Variants in CNTNAP2 observed in about 807,000 individuals in gnomAD.
The protein encoded by CNTNAP2 is contactin-associated protein-like 2.
In CNTNAP2, 98 loss-of-function variants were observed where a neutral mutation model predicts 155.2. The ratio of observed to expected loss-of-function variants is 0.63; its 90% CI spans 0.54 to 0.75. CNTNAP2 has a LOEUF of 0.75. CNTNAP2 is among the 30% of genes least tolerant of loss of function. The pLI is 0.00. For missense variants in CNTNAP2, 1,727 were observed against 1,688.1 expected (o/e 1.02, Z -0.40); for synonymous variants, 651 against 631.2 (o/e 1.03, Z -0.47).
intron 12 of CNTNAP2, among the ~76,000 whole-genome samples, chr7:147,630,462 A>G (rs886624831): frequency 8.5e-5 from 13 of 152,174 alleles, no homozygotes; most frequent in African/African-American, 2.9e-4. Context: ...AATTCTCCCT[A>G]AATCATTCTG....
chr7:147,179,702 A>T (rs1285650777), intron 8 of CNTNAP2, among the ~76,000 whole-genome samples: 1 of 152,182 alleles, frequency 6.6e-6, no homozygotes, highest in Non-Finnish European at 1.5e-5. Context: ...TATATTAAGT[A>T]GTTGGTAACT....
chr7:146,497,923 T>TC (rs1797244547), intron 1 of CNTNAP2, among the ~76,000 whole-genome samples: 1 of 142,308 alleles, frequency 7.0e-6, no homozygotes, highest in African/African-American at 2.7e-5. Flanking sequence ...AAACATATAT[T>TC]CTAACATATA....
intron 17 of CNTNAP2, among the ~76,000 whole-genome samples, chr7:148,166,299 A>G (rs1287357687): frequency 1.3e-5 from 2 of 152,184 alleles, no homozygotes; most frequent in African/African-American, 4.8e-5. Context: ...GCAGACAAAC[A>G]AAACATCTAA....
At chr7:147,422,579 A>G (rs1172300721) in intron 10 of CNTNAP2, among the ~76,000 whole-genome samples, 1 of 152,252 alleles carries the variant, frequency 6.6e-6, no homozygotes, top group South Asian at 2.1e-4. Context: ...GACAGATGCA[A>G]TGTCTTCAAT....
chr7:148,302,305 C>G (rs4726947), intron 21 of CNTNAP2, among the ~76,000 whole-genome samples: 92,393 of 152,054 alleles, frequency 0.61, 29,640 homozygotes, highest in East Asian at 0.76. Flanking sequence ...TTTAGATGTA[C>G]ATTAAGACCC....
chr7:148,265,416 G>A (rs752926401), intron 20 of CNTNAP2, among the ~76,000 whole-genome samples: 23 of 151,992 alleles, frequency 1.5e-4, no homozygotes, highest in Non-Finnish European at 3.1e-4. Context: ...TGTGACTACC[G>A]GTGCACACCA....
Position 147,972,552 on chromosome 7 carries a change from A to G in CNTNAP2, c.2256-5310A>G, listed in dbSNP as rs943032808. 4.6e-5 allele frequency among the ~76,000 whole-genome samples: 7 copies of G among 152,316 alleles called. No homozygotes were observed. In the East Asian group the frequency reaches 1.2e-3, roughly 25 times the overall value. On this transcript the variant is annotated intron_variant, in intron 14 of 23. Transcript: ENST00000361727. ...AGACAGAATTCTTCAGAAAAACAAT[A>G]CTGAAGGGAAATAACAGTAACACCA...
rs555078703 is a variant in CNTNAP2, at chr7:146,132,265, G to A, written c.97+15292G>A. Among the ~76,000 whole-genome samples the A allele has an allele frequency of 1.5e-3, 230 of 152,258 alleles. 1 individual carries two copies. Among genetic ancestry groups the A allele is most frequent in the African/African-American group, 5.4e-3 (226 of 41,566 alleles). ...AATAATAGCACTGGCCATTGTCAGA[G>A]TTGGTATTGGGGAGGTTGGTGTATA... is the stretch of plus-strand genomic sequence containing the variant. On this transcript the variant is annotated intron_variant, in intron 1 of 23. Transcript: ENST00000361727.
chr7:148,381,598 G>C (rs922943255), intron 21 of CNTNAP2: 2 of 152,272 alleles, frequency 1.3e-5, no homozygotes, highest in African/African-American at 4.8e-5. Context: ...TGCCAGCTGA[G>C]TATGGGGTTT....
intron 3 of CNTNAP2, among the ~76,000 whole-genome samples, chr7:146,929,766 C>T (rs527268010): frequency 6.7e-4 from 102 of 152,226 alleles, no homozygotes; most frequent in East Asian, 5.6e-3. Flanking sequence ...AGCTGAAAGC[C>T]AAGGCTCGAG....
chr7:146,317,480 C>G (rs2129091782), intron 1 of CNTNAP2, among the ~76,000 whole-genome samples: 1 of 152,298 alleles, frequency 6.6e-6, no homozygotes, highest in African/African-American at 2.4e-5. Context: ...GTTCTTTCAG[C>G]AGTAGCAATT....
At chr7:146,134,269 A>T (rs1797762964) in intron 1 of CNTNAP2, among the ~76,000 whole-genome samples, 1 of 149,218 alleles carries the variant, frequency 6.7e-6, no homozygotes, top group Non-Finnish European at 1.5e-5. Flanking sequence ...TTGTATCCTG[A>T]GACTTTGCTG....
chr7:147,741,936 A>T (rs1796962655), intron 13 of CNTNAP2, among the ~76,000 whole-genome samples: 4 of 152,196 alleles, frequency 2.6e-5, no homozygotes, highest in Admixed American at 2.6e-4. Flanking sequence ...AAAGATATTT[A>T]TTGGACTTAC....
At chr7:146,580,325 G>A (rs574822646) in intron 1 of CNTNAP2, among the ~76,000 whole-genome samples, 17 of 151,994 alleles carry the variant, frequency 1.1e-4, no homozygotes, top group Non-Finnish European at 2.2e-4. Flanking sequence ...ATAATTTAAA[G>A]TTTTTGTTAG....
chr7:147,364,827 C>A lies in CNTNAP2; in HGVS notation c.1499-30782C>A, dbSNP rs182227780. Among the ~76,000 whole-genome samples the A allele has an allele frequency of 4.4e-3, 651 of 149,206 alleles. 8 individuals are homozygous for A. Among genetic ancestry groups the A allele is most frequent in the African/African-American group, 0.015 (614 of 40,388 alleles). ...TCGCGCCACTGCACTCCAGCCTGGG[C>A]GACGGAGTGAGACTCAGTCTCGGGA... On this transcript the variant is annotated intron_variant, in intron 9 of 23. Transcript: ENST00000361727.
chr7:146,836,359 T>C (rs966627257), intron 2 of CNTNAP2, among the ~76,000 whole-genome samples: 3 of 152,206 alleles, frequency 2.0e-5, no homozygotes, highest in African/African-American at 7.2e-5. Context: ...CTCTTTTGTG[T>C]ATGTACTGCT....
intron 3 of CNTNAP2, among the ~76,000 whole-genome samples, chr7:146,882,283 T>A (rs1374510651): frequency 6.6e-6 from 1 of 152,108 alleles, no homozygotes; most frequent in African/African-American, 2.4e-5. Context: ...TGAATGCATG[T>A]ATCTTTTTGG....
At chr7:147,556,016 C>T (rs896722800) in intron 11 of CNTNAP2, among the ~76,000 whole-genome samples, 2 of 152,212 alleles carry the variant, frequency 1.3e-5, no homozygotes, top group Non-Finnish European at 2.9e-5. Flanking sequence ...CCTGTATAGG[C>T]CTGCGGCCAC....
At chr7:147,428,960 T>C (rs1020798259) in intron 10 of CNTNAP2, among the ~76,000 whole-genome samples, 1 of 152,104 alleles carries the variant, frequency 6.6e-6, no homozygotes, top group Non-Finnish European at 1.5e-5. Flanking sequence ...CCAAAGCCCA[T>C]TATAATATTC....
Sources: gnomAD v4.1 joint callset for allele counts (sites outside exome capture counted in the v4.1 genomes callset) on GRCh38, gnomAD v4.1.1 for gene constraint, MANE v1.5 for transcripts, NCBI Gene and HGNC (gene_info 2026-07-23, HGNC 2026-07-21) for gene names.